ATF4: variants seen among roughly 807,000 people sequenced by gnomAD.
The protein encoded by ATF4 is activating transcription factor 4.
Under a neutral mutation model 21.0 loss-of-function variants are expected in ATF4, and 8 were observed. That is an observed-to-expected ratio of 0.38 (90% confidence interval 0.22 to 0.69). ATF4 has a LOEUF of 0.69. Among genes scored for constraint, ATF4 ranks in the 30% least tolerant of loss-of-function variants. ATF4 has a pLI of 0.49. For synonymous variants in ATF4, 241 were observed against 166.4 expected (o/e 1.45, Z -3.45); for missense variants, 549 against 425.9 (o/e 1.29, Z -2.54).
At position 39,522,218 on chromosome 22, in the gene ATF4, C is replaced by T. The variant is rs753752402; in HGVS notation, c.672C>T (p.Ser224=). 23 of 1,609,586 alleles carry T rather than the reference C, an allele frequency of 1.4e-5. No individual in the cohort carries two copies. The South Asian group carries it at 2.4e-4, about 17-fold the overall frequency. ...ATAATGATAGTGGCATCTGTATGAG[C>T]CCAGAGTCCTATCTGGGGTCTCCTC... is the stretch of plus-strand genomic sequence containing the variant. ...PSDNDSGICM[S]PESYLGSPQH... Residue 224 remains serine (S), a synonymous_variant, in exon 3 of 3, where the codon AGC becomes AGT. Coordinates refer to ENST00000674920, the MANE Select transcript of ATF4 (RefSeq NM_182810.3).
Position 39,522,451 on chromosome 22 carries a change from A to G in ATF4, c.905A>G (p.Glu302Gly). 6.2e-7 allele frequency: 1 copy of G among 1,613,844 alleles called. No individual in the cohort carries two copies. The highest frequency in any genetic ancestry group is 8.5e-7 in the Non-Finnish European group (1 of 1,179,796). The change falls in exon 3 of 3, where the codon GAG (glutamate) becomes GGG (glycine). Residue 302 changes from glutamate (E) to glycine (G), a missense_variant. Glu to Gly is a moderately conservative substitution (Grantham distance 98, BLOSUM62 -2). Coordinates refer to ENST00000674920, the MANE Select transcript of ATF4 (RefSeq NM_182810.3). Reference sequence around the variant, plus strand: ...AGGTACCGCCAGAAGAAGAGGGCGGAGCAGGAGGCTCTTACTGGTGAGTGC... The same window carrying G: ...AGGTACCGCCAGAAGAAGAGGGCGGGGCAGGAGGCTCTTACTGGTGAGTGC... Reference protein sequence around the residue: ...ATRYRQKKRAEQEALTGECKE... With the variant: ...ATRYRQKKRAGQEALTGECKE...
intron 1 of ATF4, 192 bp from the exon 2 acceptor site, chr22:39,521,162 G>A: frequency 8.8e-6 from 2 of 226,858 alleles, no homozygotes; most frequent in Non-Finnish European, 1.7e-5. Context: ...GGCGGCCGGT[G>A]GAAGAATCCC....
In ATF4 at chr22:39,522,342, G is replaced by C. The variant is rs148936525; in HGVS notation, c.796G>C (p.Glu266Gln). 2.9e-4 allele frequency: 473 copies of C among 1,612,980 alleles called. 3 individuals carry two copies. The Middle Eastern group carries it at 9.6e-3, about 33-fold the overall frequency. ...ARPKPYDPPG[E>Q]KMVAAKVKGE... ...TCCCAAACCTTACGATCCTCCTGGA[G>C]AGAAGATGGTAGCAGCAAAAGTAAA... is the stretch of plus-strand genomic sequence containing the variant. Residue 266 changes from glutamate (E) to glutamine (Q), a missense_variant, in exon 3 of 3, where the codon GAG becomes CAG. By Grantham distance (29) the Glu-to-Gln change is conservative (BLOSUM62 2). Coordinates refer to ENST00000674920, the MANE Select transcript of ATF4 (RefSeq NM_182810.3).
Position 39,521,466 on chromosome 22 carries a change from G to C in ATF4, c.21G>C (p.Leu7=). Residue 7 remains leucine (L), a synonymous_variant, in exon 2 of 3, where the codon CTG becomes CTC. Coordinates refer to ENST00000674920, the MANE Select transcript of ATF4 (RefSeq NM_182810.3). ...GCAACATGACCGAAATGAGCTTCCT[G>C]AGCAGCGAGGTGTTGGTGGGGGACT... MTEMSF[L]SSEVLVGDLM... 2 of 1,557,788 alleles carry C rather than the reference G, an allele frequency of 1.3e-6. No homozygotes were observed. The highest frequency in any genetic ancestry group is 1.7e-6 in the Non-Finnish European group (2 of 1,150,740).
chr22:39,522,625 A>C lies in ATF4; in HGVS notation c.*23A>C. 1 of 1,511,108 alleles carries C rather than the reference A, an allele frequency of 6.6e-7. No individual in the cohort carries two copies. The highest frequency in any genetic ancestry group is 1.4e-5 in the South Asian group (1 of 73,526). The allele number at this position is 1,511,108 out of a possible 1,614,324, so 93.6% of individuals were successfully genotyped here. A position where few individuals can be genotyped will look rare whatever the true frequency, so the allele number is the denominator to read the frequency against. On this transcript the variant is annotated 3_prime_UTR_variant, in exon 3 of 3. Coordinates refer to ENST00000674920, the MANE Select transcript of ATF4 (RefSeq NM_182810.3). ...TAGTTGAGGATAGTCAGGAGCGTCA[A>C]TGTGCTTGTACATAGAGTGCTGTAG...
In ATF4 at chr22:39,521,848, G is replaced by A. The variant is rs767548425; in HGVS notation, c.302G>A (p.Gly101Asp). Reference sequence around the variant, plus strand: ...GAGTTCGACTTGGATGCCCTGTTGGGTATAGATGACCTGGAAACCATGCCA... The same window carrying A: ...GAGTTCGACTTGGATGCCCTGTTGGATATAGATGACCTGGAAACCATGCCA... ...LKEFDLDALL[G>D]IDDLETMPDD... Residue 101 changes from glycine to aspartate, a missense_variant, in exon 3 of 3, where the codon GGT becomes GAT. Gly to Asp is a moderately conservative substitution (Grantham distance 94). Coordinates refer to ENST00000674920, the MANE Select transcript of ATF4 (RefSeq NM_182810.3). The A allele has an allele frequency of 6.2e-7, 1 of 1,614,222 alleles. No individual in the cohort carries two copies. Among genetic ancestry groups the A allele is most frequent in the South Asian group, 1.1e-5 (1 of 91,076 alleles).
chr22:39,522,280 G>C lies in ATF4; in HGVS notation c.734G>C (p.Ser245Thr). Residue 245 changes from serine (S) to threonine (T), a missense_variant, in exon 3 of 3, where the codon AGC (serine) becomes ACC (threonine). Transcript: ENST00000674920. The part of the protein sequence containing the change: ...SPSTRGSPNR[S>T]LPSPGVLCGS... ...TCTACCAGGGGCTCTCCAAATAGGA[G>C]CCTCCCATCTCCAGGTGTTCTCTGT... is the stretch of plus-strand genomic sequence containing the variant. 1 of 1,607,718 alleles carries C rather than the reference G, an allele frequency of 6.2e-7. No individual in the cohort carries two copies. The highest frequency in any genetic ancestry group is 8.5e-7 in the Non-Finnish European group (1 of 1,177,446).
Position 39,521,680 on chromosome 22 carries a change from GCCA to G in ATF4, c.226+17_226+19del. 1 of 1,612,426 alleles carries G rather than the reference GCCA, an allele frequency of 6.2e-7. No homozygotes were observed. The highest frequency in any genetic ancestry group is 1.1e-5 in the South Asian group (1 of 90,968). ...CTCCAACAACAGCAAGGGTGAGTGG[GCCA>G]CCACCACATCGTCCTGGTGGGATCT... On this transcript the variant is annotated intron_variant, in intron 2 of 2. Coordinates refer to ENST00000674920, the MANE Select transcript of ATF4 (RefSeq NM_182810.3).
intron 1 of ATF4, 89 bp from the exon 2 acceptor site, chr22:39,521,252 CTCTAGATGGCCGA>C: frequency 2.1e-6 from 1 of 485,050 alleles, no homozygotes; most frequent in Non-Finnish European, 3.7e-6. Context: ...GTTCCCGATT[CTCTAGATGGCCGA>C]TCTAGAGAAG....
At position 39,521,679 on chromosome 22, in the gene ATF4, G is replaced by GGCC. The variant is rs757900168; in HGVS notation, c.226+9_226+11dup. The GGCC allele has an allele frequency of 3.7e-6, 6 of 1,612,550 alleles. No homozygotes were observed. In the African/African-American group the frequency reaches 8.0e-5, roughly 22 times the overall value. On this transcript the variant is annotated intron_variant, in intron 2 of 2. Coordinates refer to ENST00000674920, the MANE Select transcript of ATF4 (RefSeq NM_182810.3). ...CCTCCAACAACAGCAAGGGTGAGTGGGCCACCACCACATCGTCCTGGTGGG... is the reference window on the plus strand; with the variant it reads ...CCTCCAACAACAGCAAGGGTGAGTGGGCCGCCACCACCACATCGTCCTGGTGGG...
rs1357704789 is a variant in ATF4, at chr22:39,522,085, T to TAG, written c.542_543dup (p.Leu182SerfsTer23). 1 of 1,613,812 alleles carries TAG rather than the reference T, an allele frequency of 6.2e-7. No individual in the cohort carries two copies. Among genetic ancestry groups the TAG allele is most frequent in the Non-Finnish European group, 8.5e-7 (1 of 1,179,858 alleles). On this transcript the variant is annotated frameshift_variant, in exon 3 of 3. Transcript: ENST00000674920. LOFTEE classifies it high-confidence loss of function. Reference sequence around the variant, plus strand: ...TCCACTCCAGATCATTCCTTTAGTTTAGAGCTGGGCAGTGAAGTGGATATC... The same window carrying TAG: ...TCCACTCCAGATCATTCCTTTAGTTTAGAGAGCTGGGCAGTGAAGTGGATATC...
rs970788338 is a variant in ATF4 at position 39,521,424 on chromosome 22, G to C, written c.-22G>C. On this transcript the variant is annotated 5_prime_UTR_variant, in exon 2 of 3. Transcript: ENST00000674920. ...CACCTTCGAATTAAGCACATTCCTC[G>C]ATTCCAGCAAAGCACCGCAACATGA... The C allele has an allele frequency of 1.3e-6, 2 of 1,516,934 alleles. No homozygotes were observed. Among genetic ancestry groups the C allele is most frequent in the African/African-American group, 2.8e-5 (2 of 71,740 alleles). The allele number at this position is 1,516,934 out of a possible 1,614,324, so 94.0% of individuals were successfully genotyped here.
rs1322182268 is a variant in ATF4, at chr22:39,521,378, C to T, written c.-68C>T. On this transcript the variant is annotated 5_prime_UTR_variant, in exon 2 of 3. Transcript: ENST00000674920. ...GGCTTCTCACGGCATTCAGCAGCAG[C>T]GTTGCTGTAACCGACAAAGACACCT... is the stretch of plus-strand genomic sequence containing the variant. 5 of 1,339,370 alleles carry T rather than the reference C, an allele frequency of 3.7e-6. No individual in the cohort carries two copies. The highest frequency in any genetic ancestry group is 1.5e-5 in the African/African-American group (1 of 68,078). 83.0% of individuals were successfully genotyped at this position (1,339,370 alleles called of 1,614,324 possible).
In ATF4 at chr22:39,521,680, G is replaced by GCC; in HGVS notation, c.226+10_226+11dup. ...CTCCAACAACAGCAAGGGTGAGTGGGCCACCACCACATCGTCCTGGTGGGA... is the reference window on the plus strand; with the variant it reads ...CTCCAACAACAGCAAGGGTGAGTGGGCCCCACCACCACATCGTCCTGGTGGGA... On this transcript the variant is annotated intron_variant, in intron 2 of 2. Transcript: ENST00000674920. 1 of 1,612,426 alleles carries GCC rather than the reference G, an allele frequency of 6.2e-7. No individual in the cohort carries two copies. The highest frequency in any genetic ancestry group is 8.5e-7 in the Non-Finnish European group (1 of 1,178,804).
rs1200293111 is a variant in ATF4 at position 39,521,667 on chromosome 22, C to T, written c.222C>T (p.Ser74=). The T allele has an allele frequency of 1.2e-6, 2 of 1,613,424 alleles. No individual in the cohort carries two copies. The highest frequency in any genetic ancestry group is 1.1e-5 in the South Asian group (1 of 91,026). The change falls in exon 2 of 3, where the codon AGC becomes AGT. Residue 74 remains serine (S), a synonymous_variant. Transcript: ENST00000674920. ...GGTTGGTCAGTCCCTCCAACAACAG[C>T]AAGGGTGAGTGGGCCACCACCACAT... is the stretch of plus-strand genomic sequence containing the variant. The part of the protein sequence containing the change: ...VDGLVSPSNN[S]KEDAFSGTDW...
rs149857296 is a variant in ATF4 at position 39,521,840 on chromosome 22, C to T, written c.294C>T (p.Ala98=). 449 of 1,614,028 alleles carry T rather than the reference C, an allele frequency of 2.8e-4. No individual in the cohort carries two copies. Among genetic ancestry groups the T allele is most frequent in the Non-Finnish European group, 2.8e-4 (332 of 1,180,016 alleles). Residue 98 remains alanine (A), a synonymous_variant, in exon 3 of 3, where the codon GCC becomes GCT. Transcript: ENST00000674920. ...ATTTGAAGGAGTTCGACTTGGATGC[C>T]CTGTTGGGTATAGATGACCTGGAAA... is the stretch of plus-strand genomic sequence containing the variant. ...KMDLKEFDLD[A]LLGIDDLETM...
Position 39,521,846 on chromosome 22 carries a change from G to C in ATF4, c.300G>C (p.Leu100Phe), listed in dbSNP as rs1230387803. 3.7e-6 allele frequency: 6 copies of C among 1,614,096 alleles called. No individual in the cohort carries two copies. Among genetic ancestry groups the C allele is most frequent in the Non-Finnish European group, 5.1e-6 (6 of 1,180,052 alleles). ...DLKEFDLDAL[L>F]GIDDLETMPD... The stretch of plus-strand genomic sequence containing the variant: ...AGGAGTTCGACTTGGATGCCCTGTT[G>C]GGTATAGATGACCTGGAAACCATGC... Residue 100 changes from leucine (L) to phenylalanine (F), a missense_variant, in exon 3 of 3, where the codon TTG (leucine) becomes TTC (phenylalanine). Coordinates refer to ENST00000674920, the MANE Select transcript of ATF4 (RefSeq NM_182810.3).
chr22:39,521,369 C>T lies in ATF4; in HGVS notation c.-77C>T, dbSNP rs139077616. The T allele has an allele frequency of 2.4e-5, 30 of 1,275,634 alleles. No individual in the cohort carries two copies. In the African/African-American group the frequency reaches 3.0e-4, roughly 13 times the overall value. 79.0% of individuals were successfully genotyped at this position (1,275,634 alleles called of 1,614,324 possible). ...TCTCATTCAGGCTTCTCACGGCATT[C>T]AGCAGCAGCGTTGCTGTAACCGACA... On this transcript the variant is annotated 5_prime_UTR_variant, in exon 2 of 3. Coordinates refer to ENST00000674920, the MANE Select transcript of ATF4 (RefSeq NM_182810.3).
At position 39,522,276 on chromosome 22, in the gene ATF4, A is replaced by C. The variant is rs1362405520; in HGVS notation, c.730A>C (p.Arg244=). Residue 244 remains arginine, a synonymous_variant, in exon 3 of 3, where the codon AGG becomes CGG. Transcript: ENST00000674920. ...HSPSTRGSPN[R]SLPSPGVLCG... ...CCCCTCTACCAGGGGCTCTCCAAAT[A>C]GGAGCCTCCCATCTCCAGGTGTTCT... is the stretch of plus-strand genomic sequence containing the variant. The C allele has an allele frequency of 6.2e-7, 1 of 1,607,206 alleles. No homozygotes were observed. Among genetic ancestry groups the C allele is most frequent in the Non-Finnish European group, 8.5e-7 (1 of 1,177,258 alleles).
Sources: gnomAD v4.1 joint callset for allele counts on GRCh38, gnomAD v4.1.1 for gene constraint, MANE v1.5 for transcripts, NCBI Gene and HGNC (gene_info 2026-07-23, HGNC 2026-07-21) for gene names.